The following PRKCH variants were observed in gnomAD, a reference collection of about 807,000 sequenced individuals.
The protein encoded by PRKCH is protein kinase C eta, also known as protein kinase C eta type.
Under a neutral mutation model 82.5 loss-of-function variants are expected in PRKCH, and 28 were observed. That is an observed-to-expected ratio of 0.34 (90% confidence interval 0.25 to 0.47). PRKCH has a LOEUF of 0.47. Ranked by LOEUF, PRKCH falls within the 20% of genes least tolerant of loss-of-function variation. The pLI, the probability that PRKCH is intolerant of heterozygous loss-of-function variation, is 1.00. For missense variants in PRKCH, 705 were observed against 881.8 expected (o/e 0.80, Z 2.54); for synonymous variants, 322 against 327.4 (o/e 0.98, Z 0.18).
At chr14:61,546,605 GTCTT>G (rs770740965) in intron 12 of PRKCH, among the ~76,000 whole-genome samples, 6 of 152,186 alleles carry the variant, frequency 3.9e-5, no homozygotes, top group Admixed American at 2.0e-4. Flanking sequence ...TCCAAACACT[GTCTT>G]TCCGTGTCTG....
intron 2 of PRKCH, among the ~76,000 whole-genome samples, chr14:61,428,740 T>C (rs1186008086): frequency 3.3e-5 from 5 of 152,262 alleles, no homozygotes; most frequent in African/African-American, 1.2e-4. Flanking sequence ...TAGTGGGAGC[T>C]CTTGTTTTGG....
intron 1 of PRKCH, among the ~76,000 whole-genome samples, chr14:61,270,985 G>A (rs369746163): frequency 5.7e-4 from 87 of 152,216 alleles, no homozygotes; most frequent in African/African-American, 2.1e-3. Context: ...AAAAACAAAA[G>A]CACAAACAAG....
intron 10 of PRKCH, among the ~76,000 whole-genome samples, chr14:61,510,722 A>T (rs1443756859): frequency 1.3e-5 from 2 of 152,056 alleles, no homozygotes. Context: ...ACTCAACTGC[A>T]AGGTAAAGTG....
chr14:61,516,873 CATA>C (rs1387937849), intron 10 of PRKCH, among the ~76,000 whole-genome samples: 1 of 152,124 alleles, frequency 6.6e-6, no homozygotes, highest in Admixed American at 6.5e-5. Flanking sequence ...TTATGCAAAA[CATA>C]ATTAGAGAAC....
chr14:61,409,623 G>C (rs1329866539), intron 2 of PRKCH, among the ~76,000 whole-genome samples: 1 of 147,064 alleles, frequency 6.8e-6, no homozygotes, highest in African/African-American at 2.5e-5. Flanking sequence ...TGAACCCAGA[G>C]GTTTGAGGCT....
chr14:61,222,963 T>G (rs1331563213), intron 1 of PRKCH, among the ~76,000 whole-genome samples: 2 of 152,180 alleles, frequency 1.3e-5, no homozygotes, highest in Non-Finnish European at 2.9e-5. Flanking sequence ...TTTCAGCCTG[T>G]CAGGACGCCT....
intron 1 of PRKCH, among the ~76,000 whole-genome samples, chr14:61,222,319 C>T (rs1003890584): frequency 6.6e-6 from 1 of 152,184 alleles, no homozygotes; most frequent in South Asian, 2.1e-4. Context: ...GTTCTGTTAT[C>T]CCTACTTGAT....
At chr14:61,217,320 G>A (rs1434548882) in intron 1 of PRKCH, among the ~76,000 whole-genome samples, 1 of 152,134 alleles carries the variant, frequency 6.6e-6, no homozygotes, top group Non-Finnish European at 1.5e-5. Context: ...TTGGGCCCGG[G>A]AGGTTGAGGC....
chr14:61,457,724 CA>C (rs1884844407), intron 9 of PRKCH, 45 bp downstream of exon 9: 1 of 1,602,022 alleles, frequency 6.2e-7, no homozygotes, highest in Non-Finnish European at 8.5e-7. Context: ...TCTTTTCTTA[CA>C]GAGCTGAGAC....
chr14:61,245,877 C>T (rs2140069337), intron 1 of PRKCH, among the ~76,000 whole-genome samples: 1 of 152,308 alleles, frequency 6.6e-6, no homozygotes, highest in East Asian at 1.9e-4. Flanking sequence ...AAGTTTCCAA[C>T]CATCAGTGAG....
At chr14:61,350,217 C>T (rs17098242) in intron 1 of PRKCH, among the ~76,000 whole-genome samples, 17,973 of 152,168 alleles carry the variant, frequency 0.12, 1,414 homozygotes, top group African/African-American at 0.22. Context: ...TCCGGAATTT[C>T]AGGATTTGGA....
chr14:61,252,644 G>T (rs1379558123), intron 1 of PRKCH, among the ~76,000 whole-genome samples: 2 of 152,160 alleles, frequency 1.3e-5, no homozygotes, highest in Non-Finnish European at 2.9e-5. Flanking sequence ...CACACAGAAA[G>T]GAGACACAGT....
chr14:61,477,169 T>C (rs1451090031), intron 9 of PRKCH: 1 of 152,248 alleles, frequency 6.6e-6, no homozygotes, highest in South Asian at 2.1e-4. Context: ...CAGCCGTCAA[T>C]AGCACTCTGC....
chr14:61,272,340 CTTTCTTTTTTTTT>C (rs1194707665), intron 1 of PRKCH, among the ~76,000 whole-genome samples: 5,943 of 97,726 alleles, frequency 0.061, 308 homozygotes, highest in Middle Eastern at 0.18. Context: ...TTTCTTTTTT[CTTTCTTTTTTTTT>C]TTTTTTTTTT....
chr14:61,402,858 TTA>T (rs1566861333), intron 2 of PRKCH, among the ~76,000 whole-genome samples: 7 of 150,724 alleles, frequency 4.6e-5, no homozygotes, highest in African/African-American at 7.3e-5. Flanking sequence ...AATTAATTAA[TTA>T]ATTTATTTAT....
At chr14:61,543,132 T>C (rs2043209373) in intron 12 of PRKCH, among the ~76,000 whole-genome samples, 1 of 152,204 alleles carries the variant, frequency 6.6e-6, no homozygotes, top group Admixed American at 6.5e-5. Context: ...AAGCTGTTAG[T>C]TCTTTCAGCC....
chr14:61,276,506 C>G (rs1484063652), intron 1 of PRKCH, among the ~76,000 whole-genome samples: 2 of 151,954 alleles, frequency 1.3e-5, no homozygotes, highest in African/African-American at 4.8e-5. Flanking sequence ...CAGGCGCCCA[C>G]CACCACACCT....
chr14:61,378,228 T>G (rs1185112506), intron 1 of PRKCH, among the ~76,000 whole-genome samples: 2 of 150,406 alleles, frequency 1.3e-5, no homozygotes, highest in Non-Finnish European at 3.0e-5. Context: ...CTTTTTCTTT[T>G]TTTTTTTTTG....
chr14:61,528,058 A>G (rs2042991073), intron 10 of PRKCH: 1 of 151,746 alleles, frequency 6.6e-6, no homozygotes, highest in Non-Finnish European at 1.5e-5. Flanking sequence ...TGATACAGCA[A>G]TTGGTGTGTT....
Sources: gnomAD v4.1 joint callset for allele counts (sites outside exome capture counted in the v4.1 genomes callset) on GRCh38, gnomAD v4.1.1 for gene constraint, MANE v1.5 for transcripts, NCBI Gene and HGNC (gene_info 2026-07-23, HGNC 2026-07-21) for gene names.